The following SLC14A2 variants were observed in gnomAD, a reference collection of about 807,000 sequenced individuals.
SLC14A2 encodes urea transporter 2.
SLC14A2 carries 91 observed loss-of-function variants against 104.6 expected under a neutral mutation model. The ratio of observed to expected loss-of-function variants is 0.87; its 90% CI spans 0.73 to 1.04. The LOEUF (loss-of-function observed/expected upper bound fraction) is 1.04. Among genes scored for constraint, SLC14A2 ranks in the 50% least tolerant of loss-of-function variants. The probability of loss-of-function intolerance (pLI) is 0.00; values close to 1 mark genes in which losing one functional copy is unlikely to be tolerated. For synonymous variants in SLC14A2, 476 were observed against 466.4 expected (o/e 1.02, Z -0.27); for missense variants, 1,189 against 1,156.0 (o/e 1.03, Z -0.41).
At chr18:45,465,935 A>G (rs977806410) in intron 1 of SLC14A2, among the ~76,000 whole-genome samples, 12 of 152,126 alleles carry the variant, frequency 7.9e-5, no homozygotes, top group Admixed American at 7.9e-4. Context: ...CTGACTTCCT[A>G]GGTAGCCCAA....
chr18:45,416,910 G>A (rs2086283812), intron 1 of SLC14A2, among the ~76,000 whole-genome samples: 1 of 152,194 alleles, frequency 6.6e-6, no homozygotes, highest in Non-Finnish European at 1.5e-5. Context: ...TGTATCATCT[G>A]AGGAGGGAAA....
chr18:45,186,310 A>G, the SLC14A2 span, among the ~76,000 whole-genome samples: 36 of 152,234 alleles, frequency 2.4e-4, no homozygotes, highest in Admixed American at 4.6e-4. Context: ...ACTTTTATAT[A>G]TGACCAACTG....
intron 2 of SLC14A2, among the ~76,000 whole-genome samples, chr18:45,495,839 G>A (rs1165455317): frequency 6.6e-6 from 1 of 152,120 alleles, no homozygotes; most frequent in Non-Finnish European, 1.5e-5. Flanking sequence ...AGAAAAGAGT[G>A]GAAAGAACAC....
intron 1 of SLC14A2, among the ~76,000 whole-genome samples, chr18:45,214,761 A>C (rs2083992994): frequency 6.6e-6 from 1 of 152,096 alleles, no homozygotes; most frequent in Non-Finnish European, 1.5e-5. Flanking sequence ...ATTATGTTTC[A>C]GATGTGTCTA....
intron 2 of SLC14A2, among the ~76,000 whole-genome samples, chr18:45,552,678 A>T (rs191525149): frequency 6.6e-6 from 1 of 152,306 alleles, no homozygotes; most frequent in Non-Finnish European, 1.5e-5. Context: ...GACAAAGAGG[A>T]GCAGAGACCT....
intron 10 of SLC14A2, among the ~76,000 whole-genome samples, chr18:45,652,494 C>T (rs2045757584): frequency 6.6e-6 from 1 of 152,238 alleles, no homozygotes; most frequent in African/African-American, 2.4e-5. Flanking sequence ...CTTTGGAGAA[C>T]TTCCAGCTCC....
intron 1 of SLC14A2, among the ~76,000 whole-genome samples, chr18:45,273,273 G>A (rs79480630): frequency 0.032 from 4,933 of 152,226 alleles, 171 homozygotes; most frequent in East Asian, 0.09. Context: ...GCAGTAAAGA[G>A]AGAATAATTT....
chr18:45,643,878 A>T, intron 9 of SLC14A2, 108 bp from the exon 10 acceptor site: 1 of 930,806 alleles, frequency 1.1e-6, no homozygotes, highest in Non-Finnish European at 1.7e-6. Context: ...CCTTCACTGG[A>T]GGGAGGATCT....
At chr18:45,186,641 C>T in the SLC14A2 span, among the ~76,000 whole-genome samples, 1 of 152,154 alleles carries the variant, frequency 6.6e-6, no homozygotes, top group Non-Finnish European at 1.5e-5. Context: ...AGTTGCAGGA[C>T]AAACTGCCAC....
Position 45,269,920 on chromosome 18 carries a change from G to T in SLC14A2, c.-125+56729G>T, listed in dbSNP as rs374282260. On this transcript the variant is annotated intron_variant, in intron 1 of 20. Transcript: ENST00000586448. ...TCTTTTTTTCTATATGTGAGAATTAGTTCTCAGCATTTCTATTTAACTTTT... is the reference window on the plus strand; with the variant it reads ...TCTTTTTTTCTATATGTGAGAATTATTTCTCAGCATTTCTATTTAACTTTT... Among the ~76,000 whole-genome samples, 15 of 152,242 alleles carry T rather than the reference G, an allele frequency of 9.9e-5. No individual in the cohort carries two copies. The South Asian group carries it at 2.7e-3, about 27-fold the overall frequency.
At position 45,389,789 on chromosome 18, in the gene SLC14A2, C is replaced by G. The variant is rs182672342; in HGVS notation, c.-124-93444C>G. 1.6e-3 allele frequency among the ~76,000 whole-genome samples: 248 copies of G among 152,330 alleles called. No homozygotes were observed. The Middle Eastern group carries it at 0.017, about 10-fold the overall frequency. On this transcript the variant is annotated intron_variant, in intron 1 of 20. Coordinates refer to the SLC14A2 transcript ENST00000586448. ...TCCTCTTGTCCCACACTCACCCCCA[C>G]TCCAAAATATCTGTGAATTAAATCC...
intron 1 of SLC14A2, among the ~76,000 whole-genome samples, chr18:45,436,187 G>GA (rs953132616): frequency 1.8e-4 from 28 of 152,116 alleles, no homozygotes; most frequent in African/African-American, 4.6e-4. Flanking sequence ...AGCAGTGACT[G>GA]AAAAAAATTA....
intron 1 of SLC14A2, among the ~76,000 whole-genome samples, chr18:45,375,072 T>C (rs1290953339): frequency 6.6e-6 from 1 of 152,230 alleles, no homozygotes; most frequent in Non-Finnish European, 1.5e-5. Context: ...CAACTCCATC[T>C]TGCTTCTAAC....
intron 1 of SLC14A2, among the ~76,000 whole-genome samples, chr18:45,415,099 T>C (rs2086262363): frequency 6.6e-6 from 1 of 152,088 alleles, no homozygotes; most frequent in African/African-American, 2.4e-5. Context: ...AAATTGTGTA[T>C]ATACTTGCTA....
At chr18:45,396,331 C>A (rs931188293) in intron 1 of SLC14A2, among the ~76,000 whole-genome samples, 1 of 152,098 alleles carries the variant, frequency 6.6e-6, no homozygotes, top group African/African-American at 2.4e-5. Context: ...TGAGCATGTC[C>A]AGGGCAGAGT....
chr18:45,351,636 G>A (rs372856056), intron 1 of SLC14A2, among the ~76,000 whole-genome samples: 20 of 152,260 alleles, frequency 1.3e-4, no homozygotes, highest in Admixed American at 5.2e-4. Context: ...TATTACAGGC[G>A]TGAGCCACCA....
chr18:45,303,096 C>T (rs532788863), intron 1 of SLC14A2, among the ~76,000 whole-genome samples: 10 of 152,298 alleles, frequency 6.6e-5, no homozygotes, highest in African/African-American at 1.7e-4. Context: ...AGCATTGAAA[C>T]GATTTGCAAA....
Position 45,439,850 on chromosome 18 carries a change from G to C in SLC14A2, c.-124-43383G>C, listed in dbSNP as rs1436462867. 3.3e-5 allele frequency among the ~76,000 whole-genome samples: 5 copies of C among 152,226 alleles called. No homozygotes were observed. In the East Asian group the frequency reaches 9.7e-4, roughly 29 times the overall value. ...TGACACCAGTTGGCCTTTTACACCT[G>C]GAAAGTCTTCCCTCAGGCTCTACCC... On this transcript the variant is annotated intron_variant, in intron 1 of 20. Coordinates refer to the SLC14A2 transcript ENST00000586448.
intron 1 of SLC14A2, among the ~76,000 whole-genome samples, chr18:45,408,650 G>T (rs143913008): frequency 6.6e-6 from 1 of 152,096 alleles, no homozygotes; most frequent in African/African-American, 2.4e-5. Context: ...TTAATACAGC[G>T]GGGAAGTCTG....
Sources: gnomAD v4.1 joint callset for allele counts (sites outside exome capture counted in the v4.1 genomes callset) on GRCh38, gnomAD v4.1.1 for gene constraint, MANE v1.5 for transcripts, NCBI Gene and HGNC (gene_info 2026-07-23, HGNC 2026-07-21) for gene names.